ITPR1: variants seen among roughly 807,000 people sequenced by gnomAD.
ITPR1 encodes the protein inositol 1,4,5-trisphosphate-gated calcium channel ITPR1.
Under a neutral mutation model 318.4 loss-of-function variants are expected in ITPR1, and 96 were observed. The ratio of observed to expected loss-of-function variants is 0.30; its 90% CI spans 0.26 to 0.36. ITPR1 has a LOEUF of 0.36. ITPR1 is among the 10% of genes least tolerant of loss of function. The pLI is 1.00. For synonymous variants in ITPR1, 1,312 were observed against 1,289.9 expected (o/e 1.02, Z -0.37); for missense variants, 2,440 against 3,460.2 (o/e 0.71, Z 7.40).
chr3:4,582,843 G>A (rs111870794), intron 4 of ITPR1, among the ~76,000 whole-genome samples: 6 of 152,278 alleles, frequency 3.9e-5, no homozygotes, highest in African/African-American at 1.4e-4. Flanking sequence ...CCTTCTTCCA[G>A]CTCTGTGCGT....
At chr3:4,673,445 C>T in intron 21 of ITPR1, 58 bp downstream of exon 21, 1 of 1,436,434 alleles carries the variant, frequency 7.0e-7, no homozygotes, top group African/African-American at 1.4e-5. Context: ...GTAGATAGCC[C>T]CATATGGTCT....
intron 2 of ITPR1, among the ~76,000 whole-genome samples, chr3:4,512,725 G>C (rs2081925787): frequency 6.6e-6 from 1 of 152,130 alleles, no homozygotes; most frequent in South Asian, 2.1e-4. Context: ...ACTGTACCAG[G>C]TGCTTTTCAA....
At chr3:4,658,076 A>G in intron 12 of ITPR1, 48 bp from the exon 13 acceptor site, 1 of 1,528,604 alleles carries the variant, frequency 6.5e-7, no homozygotes, top group Non-Finnish European at 8.9e-7. Context: ...GTAGAAAGTG[A>G]AGGCTTTGGC....
intron 4 of ITPR1, among the ~76,000 whole-genome samples, chr3:4,627,495 A>T (rs2092870586): frequency 6.6e-6 from 1 of 152,146 alleles, no homozygotes; most frequent in Non-Finnish European, 1.5e-5. Context: ...AAACAAACAA[A>T]AAAAACACAA....
chr3:4,671,107 C>A (rs565962026), intron 20 of ITPR1, among the ~76,000 whole-genome samples, 181 bp downstream of exon 20: 1 of 152,302 alleles, frequency 6.6e-6, no homozygotes, highest in Non-Finnish European at 1.5e-5. Context: ...TAGTTGACAT[C>A]TGGATGTGGC....
At chr3:4,823,087 G>C (rs889020543) in intron 60 of ITPR1, among the ~76,000 whole-genome samples, 5 of 152,166 alleles carry the variant, frequency 3.3e-5, no homozygotes, top group African/African-American at 1.2e-4. Flanking sequence ...CAACTAAACT[G>C]AGAATCTGTG....
At chr3:4,568,766 T>G (rs185201308) in intron 4 of ITPR1, among the ~76,000 whole-genome samples, 35 of 152,294 alleles carry the variant, frequency 2.3e-4, no homozygotes, top group Admixed American at 1.8e-3. Context: ...GCTGAAAATG[T>G]TGATGAGGGC....
At chr3:4,672,035 A>T (rs1389144659) in intron 20 of ITPR1, among the ~76,000 whole-genome samples, 3 of 152,134 alleles carry the variant, frequency 2.0e-5, no homozygotes. Flanking sequence ...TGTAATTTGG[A>T]CTGTTGGATG....
chr3:4,752,399 G>A (rs1452617184), intron 44 of ITPR1, among the ~76,000 whole-genome samples: 2 of 152,112 alleles, frequency 1.3e-5, no homozygotes, highest in Admixed American at 6.5e-5. Context: ...CAGTTAACTC[G>A]ATGGATTAAG....
At chr3:4,797,500 C>T (rs1004631165) in intron 53 of ITPR1, among the ~76,000 whole-genome samples, 2 of 152,134 alleles carry the variant, frequency 1.3e-5, no homozygotes, top group African/African-American at 4.8e-5. Flanking sequence ...TGCCAAGAAC[C>T]AGTGGCCTTA....
At chr3:4,579,932 C>T (rs920546225) in intron 4 of ITPR1, among the ~76,000 whole-genome samples, 1 of 152,076 alleles carries the variant, frequency 6.6e-6, no homozygotes, top group Non-Finnish European at 1.5e-5. Flanking sequence ...CTTTATTAGC[C>T]AGGTGCGGTG....
At chr3:4,711,733 A>G in intron 38 of ITPR1, 24 bp from the exon 39 acceptor site, 4 of 1,245,656 alleles carry the variant, frequency 3.2e-6, no homozygotes, top group Non-Finnish European at 4.6e-6. Flanking sequence ...CAAGGAAGTA[A>G]TCCGTGGTTT....
chr3:4,710,155 T>G lies in ITPR1; in HGVS notation c.4843-170T>G, dbSNP rs2041245832. Among the ~76,000 whole-genome samples, 1 of 152,158 alleles carries G rather than the reference T, an allele frequency of 6.6e-6. No homozygotes were observed. The highest frequency in any genetic ancestry group is 1.5e-5 in the Non-Finnish European group (1 of 68,016). On this transcript the variant is annotated intron_variant, in intron 37 of 61. Coordinates refer to ENST00000649015, the MANE Select transcript of ITPR1 (RefSeq NM_001378452.1). The surrounding 1 kb of genome is among the most constrained non-coding windows in gnomAD (Gnocchi z 4.2). ...TGTTTTCTGCATCAGAGGCTAATGT[T>G]TCAGGTAACCATTGGGCAATGTCTA...
chr3:4,543,638 T>A (rs2084683653), intron 4 of ITPR1, among the ~76,000 whole-genome samples: 1 of 152,162 alleles, frequency 6.6e-6, no homozygotes, highest in East Asian at 1.9e-4. Flanking sequence ...AGATGGGGTT[T>A]CACCCTGTTG....
At chr3:4,739,245 G>A (rs561462095) in intron 44 of ITPR1, among the ~76,000 whole-genome samples, 1 of 152,216 alleles carries the variant, frequency 6.6e-6, no homozygotes, top group South Asian at 2.1e-4. Flanking sequence ...GGCAATTAAT[G>A]ATTGCTGAGA....
At chr3:4,627,559 C>A (rs771689376) in intron 4 of ITPR1, among the ~76,000 whole-genome samples, 6 of 152,040 alleles carry the variant, frequency 3.9e-5, no homozygotes, top group African/African-American at 1.5e-4. Context: ...ACAATCGACT[C>A]ACTTTCTTTA....
intron 4 of ITPR1, among the ~76,000 whole-genome samples, chr3:4,541,001 A>G (rs764081288): frequency 3.9e-5 from 6 of 152,026 alleles, no homozygotes; most frequent in Non-Finnish European, 5.9e-5. Context: ...TTTAACGTGC[A>G]TATTTAATTA....
At chr3:4,669,480 T>A (rs891263272) in intron 18 of ITPR1, among the ~76,000 whole-genome samples, 174 bp from the exon 19 acceptor site, 2 of 152,210 alleles carry the variant, frequency 1.3e-5, no homozygotes, top group African/African-American at 4.8e-5. Flanking sequence ...CTCTTCCTTC[T>A]TTCTGGCATG....
rs141780072 is a variant in ITPR1 at position 4,563,620 on chromosome 3, C to T, written c.163+42526C>T. 3.6e-3 allele frequency among the ~76,000 whole-genome samples: 543 copies of T among 152,288 alleles called. 1 individual carries two copies. Among genetic ancestry groups the T allele is most frequent in the Non-Finnish European group, 6.2e-3 (422 of 68,020 alleles). On this transcript the variant is annotated intron_variant, in intron 4 of 61. Coordinates refer to ENST00000649015, the MANE Select transcript of ITPR1 (RefSeq NM_001378452.1). ...TGGGTGATAAAAATTTGATTTCCTA[C>T]GAAATTGCAGAGTACGTGTTTCTGG...
Sources: gnomAD v4.1 joint callset for allele counts (sites outside exome capture counted in the v4.1 genomes callset) on GRCh38, gnomAD v4.1.1 for gene constraint, Gnocchi (gnomAD v3.1) non-coding constraint, MANE v1.5 for transcripts, NCBI Gene and HGNC (gene_info 2026-07-23, HGNC 2026-07-21) for gene names.